Variants in MRTFB observed in about 807,000 individuals in gnomAD.
MRTFB encodes myocardin-related transcription factor B.
MRTFB carries 29 observed loss-of-function variants against 104.2 expected under a neutral mutation model. The observed-to-expected ratio is 0.28, with a 90% CI of 0.21 to 0.38. MRTFB has a LOEUF of 0.38. Among genes scored for constraint, MRTFB ranks in the 10% least tolerant of loss-of-function variants. The probability of loss-of-function intolerance (pLI) is 1.00; values close to 1 mark genes in which losing one functional copy is unlikely to be tolerated. For missense variants in MRTFB, 1,270 were observed against 1,341.6 expected, an observed-to-expected ratio of 0.95 and a Z score of 0.83; for synonymous variants, 535 against 519.5, an observed-to-expected ratio of 1.03 and a Z score of -0.41.
At chr16:14,002,331 C>T in the MRTFB span, among the ~76,000 whole-genome samples, 1 of 151,312 alleles carries the variant, frequency 6.6e-6, no homozygotes, top group Non-Finnish European at 1.5e-5. Context: ...TGCAGTGAGC[C>T]GAGATGATGC....
At chr16:14,047,236 G>A in the MRTFB span, among the ~76,000 whole-genome samples, 2 of 152,342 alleles carry the variant, frequency 1.3e-5, no homozygotes, top group South Asian at 2.1e-4. Context: ...TCTCTCCGGA[G>A]CAGAAAATGA....
At chr16:14,008,523 T>C in the MRTFB span, among the ~76,000 whole-genome samples, 1 of 152,230 alleles carries the variant, frequency 6.6e-6, no homozygotes, top group Admixed American at 6.5e-5. Flanking sequence ...TTCTGGACTG[T>C]CAAGCCTAGT....
At chr16:14,198,356 G>A (rs947965542) in intron 3 of MRTFB, among the ~76,000 whole-genome samples, 3 of 152,056 alleles carry the variant, frequency 2.0e-5, no homozygotes, top group Admixed American at 2.0e-4. Flanking sequence ...AGAATTGCTG[G>A]GCTGCAATTG....
rs2043835888 is a variant in MRTFB at position 14,263,281 on chromosome 16, A to C, written c.*1837A>C. 1 of 152,282 alleles carries C rather than the reference A, an allele frequency of 6.6e-6. No individual in the cohort carries two copies. Among genetic ancestry groups the C allele is most frequent in the Admixed American group, 6.5e-5 (1 of 15,292 alleles). The allele number at this position is 152,282 out of a possible 1,614,324, so 9.4% of individuals were successfully genotyped here. A position where few individuals can be genotyped will look rare whatever the true frequency, so the allele number is the denominator to read the frequency against. Reference sequence around the variant, plus strand: ...TTAACCAGAACACCGTCATTTGACCAAGCCCTACAAGAGTTTACCACACTA... The same window carrying C: ...TTAACCAGAACACCGTCATTTGACCCAGCCCTACAAGAGTTTACCACACTA... On this transcript the variant is annotated 3_prime_UTR_variant, in exon 17 of 17. Transcript: ENST00000571589.
At chr16:14,210,175 C>T (rs1365885192) in intron 3 of MRTFB, 68 bp from the exon 4 acceptor site, 1 of 1,246,322 alleles carries the variant, frequency 8.0e-7, no homozygotes, top group African/African-American at 1.5e-5. Context: ...TGCATCTCCT[C>T]TGGAATCACA....
chr16:14,128,738 AGAGTT>A (rs1213163134), intron 2 of MRTFB, among the ~76,000 whole-genome samples: 2 of 152,246 alleles, frequency 1.3e-5, no homozygotes, highest in African/African-American at 4.8e-5. Flanking sequence ...GATCGTGGCT[AGAGTT>A]ATTTCTAGTC....
At chr16:14,023,598 C>T in the MRTFB span, among the ~76,000 whole-genome samples, 1 of 89,134 alleles carries the variant, frequency 1.1e-5, no homozygotes, top group African/African-American at 4.9e-5. Flanking sequence ...CACACACACA[C>T]ACACACACAC....
At position 14,246,759 on chromosome 16, in the gene MRTFB, A is replaced by G. The variant is rs757539419; in HGVS notation, c.1499A>G (p.His500Arg). 5.6e-6 allele frequency: 9 copies of G among 1,614,032 alleles called. No homozygotes were observed. The highest frequency in any genetic ancestry group is 4.0e-5 in the African/African-American group (3 of 74,934). Residue 500 changes from histidine (H) to arginine (R), a missense_variant, in exon 12 of 17, where the codon CAT (histidine) becomes CGT (arginine). His to Arg is a conservative substitution (Grantham distance 29, BLOSUM62 0). Around this residue, in one of 3 missense-constraint regions of MRTFB, gnomAD observed 1,144 missense variants for 1,131.5 expected, o/e 1.01. Coordinates refer to ENST00000571589, the MANE Select transcript of MRTFB (RefSeq NM_001308142.2). ...AACGCAACCCGTGTGGAAAATGTTCATTCCCCTCTGCCCATTTCACCATCT... is the reference window on the plus strand; with the variant it reads ...AACGCAACCCGTGTGGAAAATGTTCGTTCCCCTCTGCCCATTTCACCATCT... The part of the protein sequence containing the change: ...TSNATRVENV[H>R]SPLPISPSPS...
chr16:14,147,187 CTCTGTGAATATAATTT>C (rs1296489759), intron 3 of MRTFB, among the ~76,000 whole-genome samples: 1 of 152,156 alleles, frequency 6.6e-6, no homozygotes, highest in Non-Finnish European at 1.5e-5. Flanking sequence ...GAAGTATATA[CTCTGTGAATATAATTT>C]TCCTTGGTTG....
the MRTFB span, among the ~76,000 whole-genome samples, chr16:14,001,622 C>T: frequency 6.6e-6 from 1 of 152,242 alleles, no homozygotes; most frequent in East Asian, 1.9e-4. Flanking sequence ...ACCCACTCTC[C>T]TCAGCCTCGT....
rs546792631 is a variant in MRTFB at position 14,262,298 on chromosome 16, T to C, written c.*854T>C. 4.1e-4 allele frequency: 63 copies of C among 152,358 alleles called. No homozygotes were observed. The highest frequency in any genetic ancestry group is 1.5e-3 in the African/African-American group (62 of 41,590). 9.4% of individuals were successfully genotyped at this position (152,358 alleles called of 1,614,324 possible). A position where few individuals can be genotyped will look rare whatever the true frequency, so the allele number is the denominator to read the frequency against. ...AGGAAATGGGTATCCAAGGTCCTAC[T>C]TTTTTAATAGCTCGAATATTTCTAG... On this transcript the variant is annotated 3_prime_UTR_variant, in exon 17 of 17. Transcript: ENST00000571589.
intron 2 of MRTFB, among the ~76,000 whole-genome samples, chr16:14,098,264 A>T (rs1596813372): frequency 6.6e-6 from 1 of 152,110 alleles, no homozygotes; most frequent in African/African-American, 2.4e-5. Flanking sequence ...GTCTTTTCAC[A>T]TTATTCATTC....
At chr16:14,107,210 T>C (rs1020960924) in intron 2 of MRTFB, among the ~76,000 whole-genome samples, 1 of 152,222 alleles carries the variant, frequency 6.6e-6, no homozygotes, top group African/African-American at 2.4e-5. Flanking sequence ...CACTCCATCC[T>C]GGGTGACAGA....
At chr16:14,091,994 CAAAAAAAAAAAAAA>C (rs10523985) in intron 2 of MRTFB, among the ~76,000 whole-genome samples, 3,129 of 82,378 alleles carry the variant, frequency 0.038, 121 homozygotes, top group African/African-American at 0.1. Context: ...GACTTCATCT[CAAAAAAAAAAAAAA>C]AAAAAAAAAA....
intron 3 of MRTFB, among the ~76,000 whole-genome samples, chr16:14,199,842 A>C (rs1440304145): frequency 1.3e-5 from 2 of 152,246 alleles, no homozygotes; most frequent in Admixed American, 1.3e-4. Context: ...CCATTGAGTC[A>C]GAAACCCAGC....
At chr16:14,164,285 CT>C (rs1277896537) in intron 3 of MRTFB, among the ~76,000 whole-genome samples, 1 of 152,174 alleles carries the variant, frequency 6.6e-6, no homozygotes, top group Non-Finnish European at 1.5e-5. Context: ...TTAAGATCAA[CT>C]TTTTTACCTT....
intron 9 of MRTFB, among the ~76,000 whole-genome samples, chr16:14,236,565 T>A (rs1474102986): frequency 6.6e-6 from 1 of 152,114 alleles, no homozygotes; most frequent in Non-Finnish European, 1.5e-5. Context: ...GACGTGTCTT[T>A]TAAATGAGGT....
At chr16:14,025,828 A>G in the MRTFB span, among the ~76,000 whole-genome samples, 1 of 152,246 alleles carries the variant, frequency 6.6e-6, no homozygotes, top group Non-Finnish European at 1.5e-5. Context: ...CCCATATATT[A>G]GCAATGAACA....
intron 3 of MRTFB, chr16:14,187,114 A>T: frequency 8.5e-7 from 1 of 1,174,554 alleles, no homozygotes; most frequent in Non-Finnish European, 1.2e-6. Flanking sequence ...GTCTGTTACC[A>T]TGCTATGTGT....
Sources: gnomAD v4.1 joint callset for allele counts (sites outside exome capture counted in the v4.1 genomes callset) on GRCh38, gnomAD v4.1.1 for gene constraint, gnomAD v4.1.1 regional missense constraint, MANE v1.5 for transcripts, NCBI Gene and HGNC (gene_info 2026-07-23, HGNC 2026-07-21) for gene names.